MYO10: variants seen among roughly 807,000 people sequenced by gnomAD.
MYO10 encodes the protein myosin X.
Under a neutral mutation model 257.3 loss-of-function variants are expected in MYO10, and 133 were observed. The ratio of observed to expected loss-of-function variants is 0.52; its 90% confidence interval spans 0.45 to 0.60. The LOEUF (loss-of-function observed/expected upper bound fraction) is 0.60. Among genes scored for constraint, MYO10 ranks in the 20% least tolerant of loss-of-function variants. The pLI is 0.00. For synonymous variants in MYO10, 1,104 were observed against 1,028.6 expected, an observed-to-expected ratio of 1.07 and a Z score of -1.40; for missense variants, 2,399 against 2,635.7, an observed-to-expected ratio of 0.91 and a Z score of 1.97.
chr5:16,794,015 TTTGTAAA>T (rs1741852895), intron 4 of MYO10, among the ~76,000 whole-genome samples: 2 of 152,108 alleles, frequency 1.3e-5, no homozygotes, highest in African/African-American at 4.8e-5. Context: ...TAATAGTTTC[TTTGTAAA>T]AGCGAGTACG....
chr5:16,702,678 A>G, intron 23 of MYO10, 90 bp from the exon 24 acceptor site: 1 of 1,268,044 alleles, frequency 7.9e-7, no homozygotes, highest in Non-Finnish European at 1.1e-6. Context: ...CAGCTTTGCC[A>G]AAGACAGAAA....
At chr5:16,840,034 C>T (rs2126726056) in intron 2 of MYO10, among the ~76,000 whole-genome samples, 1 of 152,214 alleles carries the variant, frequency 6.6e-6, no homozygotes. Context: ...ATGGGCTGAC[C>T]TGTATATGTG....
At chr5:16,932,923 A>G (rs981360327) in intron 1 of MYO10, among the ~76,000 whole-genome samples, 5 of 152,114 alleles carry the variant, frequency 3.3e-5, no homozygotes, top group Admixed American at 2.0e-4. Flanking sequence ...GCATACCACC[A>G]CACTCAGCTA....
At chr5:16,855,317 A>G (rs2126740087) in intron 2 of MYO10, among the ~76,000 whole-genome samples, 1 of 152,320 alleles carries the variant, frequency 6.6e-6, no homozygotes, top group East Asian at 1.9e-4. Context: ...CGAACAGGGA[A>G]CATCCAAAAT....
At chr5:16,821,036 TG>T (rs1407765460) in intron 2 of MYO10, among the ~76,000 whole-genome samples, 1 of 147,622 alleles carries the variant, frequency 6.8e-6, no homozygotes, top group Non-Finnish European at 1.5e-5. Flanking sequence ...TTATGTAAGA[TG>T]TTTATATACA....
At chr5:16,698,623 G>GGTTTTTTT (rs1737872863) in intron 26 of MYO10, among the ~76,000 whole-genome samples, 2 of 113,824 alleles carry the variant, frequency 1.8e-5, no homozygotes, top group African/African-American at 7.7e-5. Context: ...AGAACATGCA[G>GGTTTTTTT]TTTTTTTTTT....
chr5:16,925,301 A>T (rs1198184334), intron 1 of MYO10, among the ~76,000 whole-genome samples: 2 of 152,256 alleles, frequency 1.3e-5, no homozygotes, highest in Non-Finnish European at 2.9e-5. Flanking sequence ...GAAAATATTT[A>T]AAAATCAGAA....
intron 19 of MYO10, among the ~76,000 whole-genome samples, chr5:16,715,060 T>C (rs1439866420): frequency 6.7e-6 from 1 of 149,694 alleles, no homozygotes; most frequent in African/African-American, 2.5e-5. Flanking sequence ...TATGCCTGTG[T>C]CAAAATACCT....
intron 2 of MYO10, among the ~76,000 whole-genome samples, chr5:16,856,101 T>C (rs1046575272): frequency 2.0e-4 from 30 of 152,232 alleles, no homozygotes; most frequent in African/African-American, 6.5e-4. Context: ...TGCACACGCC[T>C]GCATTCAAGT....
At chr5:16,766,471 G>C (rs1016637747) in intron 10 of MYO10, among the ~76,000 whole-genome samples, 14 of 152,276 alleles carry the variant, frequency 9.2e-5, no homozygotes, top group African/African-American at 3.4e-4. Flanking sequence ...GTCTCGCTCT[G>C]TCGCCCAGGC....
At chr5:16,741,457 A>C (rs944998544) in intron 19 of MYO10, among the ~76,000 whole-genome samples, 7 of 152,236 alleles carry the variant, frequency 4.6e-5, no homozygotes, top group African/African-American at 1.7e-4. Flanking sequence ...TCTTAAAGAA[A>C]AATACTTTGG....
rs753244557 is a variant in MYO10, at chr5:16,815,463, C to G, written c.279+2546G>C. On this transcript the variant is annotated intron_variant, in intron 3 of 40. Coordinates refer to ENST00000513610, the MANE Select transcript of MYO10 (RefSeq NM_012334.3). ...ATTAGGTATATTCAACCTATCTGCA[C>G]CTACAAGAGACATACACCAATAAAA... 204 of 700,326 alleles carry G rather than the reference C, an allele frequency of 2.9e-4. 1 individual carries two copies. Among genetic ancestry groups the G allele is most frequent in the Non-Finnish European group, 6.2e-5 (24 of 384,210 alleles). 43.4% of individuals were successfully genotyped at this position (700,326 alleles called of 1,614,324 possible).
At chr5:16,777,851 T>C (rs1741268819) in intron 9 of MYO10, among the ~76,000 whole-genome samples, 1 of 134,666 alleles carries the variant, frequency 7.4e-6, no homozygotes, top group Non-Finnish European at 1.6e-5. Flanking sequence ...TTTTTTTTTT[T>C]TTTTTTTTTT....
At chr5:16,801,669 T>A (rs1463124543) in intron 3 of MYO10, among the ~76,000 whole-genome samples, 1 of 152,156 alleles carries the variant, frequency 6.6e-6, no homozygotes, top group African/African-American at 2.4e-5. Context: ...AGACCATATT[T>A]CGTACTCTAA....
chr5:16,745,372 C>A (rs7729975), intron 19 of MYO10, among the ~76,000 whole-genome samples: 1 of 151,886 alleles, frequency 6.6e-6, no homozygotes. Context: ...CCCATGAACA[C>A]TAAGGGCTTA....
At chr5:16,829,755 ACACACTTT>A (rs1304399876) in intron 2 of MYO10, among the ~76,000 whole-genome samples, 2 of 152,122 alleles carry the variant, frequency 1.3e-5, no homozygotes, top group Non-Finnish European at 2.9e-5. Flanking sequence ...GACGCAACGA[ACACACTTT>A]CACAGTAACT....
At chr5:16,780,850 G>T in intron 6 of MYO10, 109 bp from the exon 7 acceptor site, 1 of 1,157,820 alleles carries the variant, frequency 8.6e-7, no homozygotes. Flanking sequence ...ACAGTTCCCT[G>T]TTCCTTTGAC....
chr5:16,671,496 A>C lies in MYO10; in HGVS notation c.5356T>G (p.Phe1786Val). ...EVGDLPWKFY[F>V]KLYCFLDTDN... ...GTGTCCAGGAAGCAGTAAAGTTTGA[A>C]GTAGAATTTCCATGGCAGGTCCCCA... is the stretch of plus-strand genomic sequence containing the variant. Residue 1786 changes from phenylalanine (F) to valine (V), a missense_variant, in exon 38 of 41, where the codon TTC becomes GTC. Phe to Val is a conservative substitution (Grantham distance 50). This residue lies in a region of MYO10 where 1,820 missense variants were observed against 1,939.4 expected (regional missense o/e 0.94). Transcript: ENST00000513610. 6.2e-7 allele frequency: 1 copy of C among 1,614,002 alleles called. No homozygotes were observed. Among genetic ancestry groups the C allele is most frequent in the South Asian group, 1.1e-5 (1 of 91,078 alleles).
At chr5:16,828,620 CAA>C (rs71595993) in intron 2 of MYO10, among the ~76,000 whole-genome samples, 2,374 of 85,726 alleles carry the variant, frequency 0.028, 48 homozygotes, top group African/African-American at 0.089. Context: ...ACTCTGTCTC[CAA>C]AAAAAAAAAA....
Sources: allele counts gnomAD v4.1 joint callset (sites outside exome capture counted in the v4.1 genomes callset), GRCh38; gene constraint gnomAD v4.1.1; regional missense constraint gnomAD v4.1.1; transcripts MANE v1.5; gene names NCBI Gene and HGNC (gene_info 2026-07-23, HGNC 2026-07-21).